The following ATP6V0A4 variants were observed in gnomAD, a reference collection of about 807,000 sequenced individuals.
ATP6V0A4 encodes ATPase H+ transporting V0 subunit a4.
ATP6V0A4 carries 86 observed loss-of-function variants against 107.3 expected under a neutral mutation model. That is an observed-to-expected ratio of 0.80 (90% CI 0.67 to 0.96). The LOEUF is 0.96. ATP6V0A4 is among the 40% of genes least tolerant of loss of function. The pLI is 0.00. For synonymous variants in ATP6V0A4, 353 were observed against 381.4 expected, an observed-to-expected ratio of 0.93 and a Z score of 0.87; for missense variants, 908 against 1,045.6, an observed-to-expected ratio of 0.87 and a Z score of 1.81.
At chr7:138,748,438 G>A (rs4732328) in intron 12 of ATP6V0A4, among the ~76,000 whole-genome samples, 32,183 of 151,908 alleles carry the variant, frequency 0.21, 3,703 homozygotes, top group Admixed American at 0.27. Flanking sequence ...ACAGGATCTC[G>A]CTCTGTCACC....
intron 11 of ATP6V0A4, 110 bp from the exon 12 acceptor site, chr7:138,749,427 G>T: frequency 1.6e-6 from 2 of 1,276,358 alleles, no homozygotes; most frequent in Non-Finnish European, 2.2e-6. Context: ...AGCGAACTTG[G>T]GGCAATCTCT....
intron 1 of ATP6V0A4, among the ~76,000 whole-genome samples, chr7:138,792,135 C>G (rs898573098): frequency 6.6e-6 from 1 of 152,052 alleles, no homozygotes; most frequent in Non-Finnish European, 1.5e-5. Context: ...GGTGAAACCC[C>G]ATCTCTACTA....
rs531146148 is a variant in ATP6V0A4, at chr7:138,709,061, T to C, written c.2429+563A>G. 1.6e-4 allele frequency among the ~76,000 whole-genome samples: 25 copies of C among 152,060 alleles called. No individual in the cohort carries two copies. In the South Asian group the frequency reaches 5.0e-3, roughly 30 times the overall value. On this transcript the variant is annotated intron_variant, in intron 21 of 21. Transcript: ENST00000310018. ...CCGTCTCTGCCAAAAATACAAAACT[T>C]AGCTGGGCGTAGTGGCAGACGCCTG...
intron 19 of ATP6V0A4, among the ~76,000 whole-genome samples, chr7:138,718,581 G>GCGGTGCA (rs1804249715): frequency 1.0e-5 from 1 of 99,486 alleles, no homozygotes; most frequent in Non-Finnish European, 2.1e-5. Context: ...GAGAGGCATG[G>GCGGTGCA]GGCGGAATGG....
At chr7:138,755,895 C>T (rs542896462) in intron 9 of ATP6V0A4, 113 bp from the exon 10 acceptor site, 2 of 1,531,626 alleles carry the variant, frequency 1.3e-6, no homozygotes, top group African/African-American at 1.4e-5. Flanking sequence ...CCAGCCTATC[C>T]TAGAATAACT....
At chr7:138,783,153 C>CA (rs1195485226) in intron 2 of ATP6V0A4, among the ~76,000 whole-genome samples, 1 of 152,106 alleles carries the variant, frequency 6.6e-6, no homozygotes, top group Admixed American at 6.6e-5. Flanking sequence ...GGGAGCAGGG[C>CA]AGCAGCTAAA....
At chr7:138,793,912 G>A (rs1808538493) in intron 1 of ATP6V0A4, among the ~76,000 whole-genome samples, 2 of 152,020 alleles carry the variant, frequency 1.3e-5, no homozygotes, top group African/African-American at 4.8e-5. Context: ...CCTGGGAAGT[G>A]TTCAAAAATT....
chr7:138,724,464 C>T (rs80286885), intron 18 of ATP6V0A4, among the ~76,000 whole-genome samples: 37,256 of 152,070 alleles, frequency 0.24, 5,103 homozygotes, highest in South Asian at 0.41. Context: ...CCCAGGGACT[C>T]GTGGTGTCCA....
intron 17 of ATP6V0A4, among the ~76,000 whole-genome samples, chr7:138,729,634 T>G (rs2117230365): frequency 6.6e-6 from 1 of 152,290 alleles, no homozygotes; most frequent in South Asian, 2.1e-4. Flanking sequence ...GTGACCAGTT[T>G]AGAGGAGTGA....
At chr7:138,758,041 G>T (rs2117303899) in intron 8 of ATP6V0A4, among the ~76,000 whole-genome samples, 1 of 152,244 alleles carries the variant, frequency 6.6e-6, no homozygotes, top group East Asian at 1.9e-4. Context: ...CCAGAATCAG[G>T]AATCTGCTCT....
At chr7:138,756,760 C>T (rs1323545806) in intron 8 of ATP6V0A4, among the ~76,000 whole-genome samples, 2 of 152,174 alleles carry the variant, frequency 1.3e-5, no homozygotes, top group Non-Finnish European at 2.9e-5. Flanking sequence ...GTGACAGGCT[C>T]CCTGTTCCCG....
At chr7:138,736,488 A>C (rs535352543) in intron 15 of ATP6V0A4, among the ~76,000 whole-genome samples, 1 of 152,290 alleles carries the variant, frequency 6.6e-6, no homozygotes, top group African/African-American at 2.4e-5. Context: ...GTTTGTGCAT[A>C]AGACTCTGTT....
chr7:138,797,473 C>A (rs187648446), intron 1 of ATP6V0A4, among the ~76,000 whole-genome samples: 4 of 151,870 alleles, frequency 2.6e-5, no homozygotes, highest in African/African-American at 9.7e-5. Flanking sequence ...CTGCCTCAGC[C>A]TCCCAGAGTG....
intron 1 of ATP6V0A4, among the ~76,000 whole-genome samples, chr7:138,794,769 G>A (rs1333744491): frequency 6.6e-6 from 1 of 152,176 alleles, no homozygotes; most frequent in African/African-American, 2.4e-5. Context: ...TGGGCCACAT[G>A]GAGTTGTTAG....
chr7:138,772,722 A>G (rs985702689), intron 2 of ATP6V0A4, among the ~76,000 whole-genome samples: 15 of 152,346 alleles, frequency 9.8e-5, no homozygotes, highest in African/African-American at 3.6e-4. Flanking sequence ...ATACGTAGCC[A>G]GGGAACGGAG....
At chr7:138,783,458 G>A (rs1001970275) in intron 2 of ATP6V0A4, among the ~76,000 whole-genome samples, 1 of 152,044 alleles carries the variant, frequency 6.6e-6, no homozygotes, top group African/African-American at 2.4e-5. Flanking sequence ...CCAGGCACAT[G>A]GCTCATGTCT....
At position 138,752,937 on chromosome 7, in the gene ATP6V0A4, C is replaced by G. The variant is rs1806308708; in HGVS notation, c.817-100G>C. ...TCACAGGCCACAGCAGCTTCCTCTG[C>G]TCTGGCAGGCTCCTTTGACCTGTGG... On this transcript the variant is annotated intron_variant, in intron 10 of 21. Transcript: ENST00000310018. 2.6e-6 allele frequency: 4 copies of G among 1,546,096 alleles called. No individual in the cohort carries two copies. In the African/African-American group the frequency reaches 4.1e-5, roughly 16 times the overall value.
chr7:138,761,968 C>A (rs574450920), intron 7 of ATP6V0A4, among the ~76,000 whole-genome samples: 32 of 152,166 alleles, frequency 2.1e-4, no homozygotes, highest in Non-Finnish European at 4.3e-4. Context: ...GTGTGAGCCA[C>A]CACGCCCGGC....
intron 2 of ATP6V0A4, among the ~76,000 whole-genome samples, chr7:138,784,564 C>T (rs555072895): frequency 2.6e-4 from 39 of 152,004 alleles, no homozygotes; most frequent in African/African-American, 9.4e-4. Flanking sequence ...ATGATCCACC[C>T]TCCTCAGCCT....
Sources: gnomAD v4.1 joint callset for allele counts (sites outside exome capture counted in the v4.1 genomes callset) on GRCh38, gnomAD v4.1.1 for gene constraint, MANE v1.5 for transcripts, NCBI Gene and HGNC (gene_info 2026-07-23, HGNC 2026-07-21) for gene names.